Variants in IFT80 observed in about 807,000 individuals in gnomAD.
The protein encoded by IFT80 is intraflagellar transport protein 80 homolog.
A neutral mutation model predicts 107.9 loss-of-function variants in IFT80; 79 were observed. The observed-to-expected ratio is 0.73, with a 90% CI of 0.61 to 0.88. IFT80 has a LOEUF of 0.88. IFT80 is among the 40% of genes least tolerant of loss of function. IFT80 has a pLI of 0.00. For missense variants in IFT80, 797 were observed against 914.2 expected, an observed-to-expected ratio of 0.87 and a Z score of 1.65; for synonymous variants, 299 against 300.9, an observed-to-expected ratio of 0.99 and a Z score of 0.07.
chr3:160,307,721 C>T lies in IFT80; in HGVS notation c.1018G>A (p.Ala340Thr). 1 of 1,607,462 alleles carries T rather than the reference C, an allele frequency of 6.2e-7. No homozygotes were observed. The highest frequency in any genetic ancestry group is 8.5e-7 in the Non-Finnish European group (1 of 1,174,080). The change falls in exon 10 of 20, where the codon GCA (alanine) becomes ACA (threonine). Residue 340 changes from alanine (A) to threonine (T), a missense_variant. Physicochemically the swap from Ala to Thr is moderately conservative, Grantham distance 58. Coordinates refer to ENST00000326448, the MANE Select transcript of IFT80 (RefSeq NM_020800.3). ...ACTAAGTGTGCATAGTTCAAAGATG[C>T]TTTAATGACTCTATCACGGAATTCC... is the stretch of plus-strand genomic sequence containing the variant. ...LLEFRDRVIK[A>T]SLNYAHLVVS... is the part of the protein sequence containing the mutation.
At chr3:160,354,096 T>C (rs1325686976) in intron 8 of IFT80, among the ~76,000 whole-genome samples, 1 of 152,094 alleles carries the variant, frequency 6.6e-6, no homozygotes, top group Non-Finnish European at 1.5e-5. Context: ...ATAATATACA[T>C]GAAACTAAAA....
At chr3:160,356,230 A>ACATTTTTATTTTATT in intron 7 of IFT80, 80 bp from the exon 8 acceptor site, 2 of 1,225,108 alleles carry the variant, frequency 1.6e-6, no homozygotes, top group Non-Finnish European at 2.3e-6. Context: ...AATAAATAAA[A>ACATTTTTATTTTATT]TAAAAATGTT....
In IFT80 at chr3:160,296,238, A is replaced by G. The variant is rs572430188; in HGVS notation, c.1315+4645T>C. On this transcript the variant is annotated intron_variant, in intron 12 of 19. Transcript: ENST00000326448. ...TGCCTGGAAGCCACTAAATAGATAT[A>G]AAGTATTCATTAAGATCATGTAAGT... Among the ~76,000 whole-genome samples the G allele has an allele frequency of 2.6e-4, 39 of 152,334 alleles. 1 individual carries two copies. Among genetic ancestry groups the G allele is most frequent in the African/African-American group, 8.9e-4 (37 of 41,580 alleles).
At chr3:160,289,978 T>A (rs1715411970) in intron 12 of IFT80, among the ~76,000 whole-genome samples, 1 of 151,878 alleles carries the variant, frequency 6.6e-6, no homozygotes, top group African/African-American at 2.4e-5. Flanking sequence ...AGTGCAAGGG[T>A]TGGTAGAATT....
At chr3:160,318,379 G>A (rs1038002768) in intron 9 of IFT80, among the ~76,000 whole-genome samples, 1 of 151,948 alleles carries the variant, frequency 6.6e-6, no homozygotes, top group Non-Finnish European at 1.5e-5. Context: ...AATTTTTATA[G>A]TAATAATATG....
intron 9 of IFT80, among the ~76,000 whole-genome samples, chr3:160,318,453 C>T (rs182729254): frequency 3.4e-3 from 522 of 152,020 alleles, no homozygotes; most frequent in Middle Eastern, 6.8e-3. Flanking sequence ...AAGGTCGAAT[C>T]CTTCTTTTTG....
chr3:160,260,592 C>A (rs974350788), intron 19 of IFT80, among the ~76,000 whole-genome samples: 5 of 152,126 alleles, frequency 3.3e-5, no homozygotes, highest in Non-Finnish European at 7.4e-5. Flanking sequence ...GTTTCACTTT[C>A]GCTTTGGCAT....
intron 6 of IFT80, among the ~76,000 whole-genome samples, chr3:160,364,217 G>C (rs965374792): frequency 5.9e-5 from 9 of 152,160 alleles, no homozygotes; most frequent in Non-Finnish European, 1.0e-4. Flanking sequence ...CTTCTCAAAA[G>C]AAGACATTTA....
intron 9 of IFT80, among the ~76,000 whole-genome samples, chr3:160,308,498 T>G (rs1028268411): frequency 1.3e-5 from 2 of 152,156 alleles, no homozygotes; most frequent in African/African-American, 2.4e-5. Context: ...AGAAAAATGT[T>G]GAGCAAGTTA....
At chr3:160,303,821 G>A (rs1475558638) in intron 11 of IFT80, 94 bp downstream of exon 11, 6 of 786,676 alleles carry the variant, frequency 7.6e-6, no homozygotes, top group Non-Finnish European at 1.4e-5. Context: ...TAAATGACTA[G>A]TATACCATTC....
Position 160,384,291 on chromosome 3 carries a change from A to C in IFT80, c.37+273T>G, listed in dbSNP as rs1712762572. 8.8e-6 allele frequency: 7 copies of C among 795,578 alleles called. No individual in the cohort carries two copies. In the South Asian group the frequency reaches 3.7e-4, roughly 42 times the overall value. 49.3% of individuals were successfully genotyped at this position (795,578 alleles called of 1,614,324 possible). A position where few individuals can be genotyped will look rare whatever the true frequency, so the allele number is the denominator to read the frequency against. On this transcript the variant is annotated intron_variant, in intron 2 of 19. Transcript: ENST00000326448. ...TCTTTTTAAGATCCTACTAAAGTAAACAAAAACTGCTTTTTAAGTATTTAA... is the reference window on the plus strand; with the variant it reads ...TCTTTTTAAGATCCTACTAAAGTAACCAAAAACTGCTTTTTAAGTATTTAA...
At chr3:160,273,460 A>G (rs1227464408) in intron 18 of IFT80, among the ~76,000 whole-genome samples, 1 of 152,170 alleles carries the variant, frequency 6.6e-6, no homozygotes, top group Non-Finnish European at 1.5e-5. Flanking sequence ...TAATGGTACT[A>G]GTAGTGAAGT....
chr3:160,259,398 T>G (rs920853685), intron 19 of IFT80, among the ~76,000 whole-genome samples: 1 of 152,138 alleles, frequency 6.6e-6, no homozygotes, highest in Non-Finnish European at 1.5e-5. Context: ...GCTTCACATC[T>G]TATATACTGC....
At chr3:160,389,661 C>T (rs1273390423) in intron 1 of IFT80, among the ~76,000 whole-genome samples, 1 of 151,804 alleles carries the variant, frequency 6.6e-6, no homozygotes, top group Non-Finnish European at 1.5e-5. Context: ...GACATGAACT[C>T]ATCATTTTTT....
chr3:160,322,746 T>C (rs1718346386), intron 8 of IFT80, among the ~76,000 whole-genome samples: 1 of 152,158 alleles, frequency 6.6e-6, no homozygotes, highest in Non-Finnish European at 1.5e-5. Context: ...TGTGAGATGG[T>C]ATCTCATTGT....
intron 8 of IFT80, among the ~76,000 whole-genome samples, chr3:160,348,713 C>T (rs1396066858): frequency 6.6e-6 from 1 of 152,120 alleles, no homozygotes; most frequent in African/African-American, 2.4e-5. Context: ...GATTAATAAA[C>T]AAAATGTGTT....
intron 19 of IFT80, among the ~76,000 whole-genome samples, chr3:160,263,986 G>T (rs1203643999): frequency 6.6e-6 from 1 of 151,962 alleles, no homozygotes; most frequent in African/African-American, 2.4e-5. Context: ...ATTTTTAATA[G>T]AGACAACGTC....
intron 5 of IFT80, among the ~76,000 whole-genome samples, chr3:160,367,223 G>C (rs1382755259): frequency 2.0e-5 from 3 of 152,030 alleles, no homozygotes; most frequent in Non-Finnish European, 2.9e-5. Context: ...ATTGTGAACA[G>C]AGTTGCAACA....
chr3:160,293,857 CTAAT>C (rs1012882815), intron 12 of IFT80, among the ~76,000 whole-genome samples: 5 of 152,100 alleles, frequency 3.3e-5, no homozygotes, highest in African/African-American at 1.2e-4. Flanking sequence ...ATAATCATGC[CTAAT>C]TAATCATGTA....
Sources: gnomAD v4.1 joint callset for allele counts (sites outside exome capture counted in the v4.1 genomes callset) on GRCh38, gnomAD v4.1.1 for gene constraint, MANE v1.5 for transcripts, NCBI Gene and HGNC (gene_info 2026-07-23, HGNC 2026-07-21) for gene names.